The following EYS variants were observed in gnomAD, a reference collection of about 807,000 sequenced individuals.
EYS encodes protein eyes shut homolog.
A neutral mutation model predicts 282.1 loss-of-function variants in EYS; 250 were observed. The ratio of observed to expected loss-of-function variants is 0.89; its 90% confidence interval spans 0.80 to 0.98. EYS has a LOEUF of 0.98. Among genes scored for constraint, EYS ranks in the 50% least tolerant of loss-of-function variants. The pLI is 0.00. For missense variants in EYS, 4,016 were observed against 3,709.0 expected (o/e 1.08, Z -2.15); for synonymous variants, 1,355 against 1,282.9 (o/e 1.06, Z -1.20).
chr6:63,817,108 G>T (rs955954162), intron 36 of EYS, among the ~76,000 whole-genome samples: 4 of 152,198 alleles, frequency 2.6e-5, no homozygotes, highest in Non-Finnish European at 5.9e-5. Context: ...AAACCAGAGA[G>T]CATATGACAG....
At chr6:64,186,278 CA>C (rs1764944221) in intron 31 of EYS, among the ~76,000 whole-genome samples, 1 of 151,110 alleles carries the variant, frequency 6.6e-6, no homozygotes, top group Non-Finnish European at 1.5e-5. Flanking sequence ...CACACACACA[CA>C]CACACGGTTC....
intron 22 of EYS, among the ~76,000 whole-genome samples, chr6:64,680,735 C>G (rs566969273): frequency 3.5e-4 from 54 of 152,248 alleles, no homozygotes; most frequent in African/African-American, 1.3e-3. Flanking sequence ...TACCTTAGCC[C>G]TAGTTTGCTT....
At chr6:65,431,035 T>A (rs1767866598) in intron 5 of EYS, among the ~76,000 whole-genome samples, 2 of 152,162 alleles carry the variant, frequency 1.3e-5, no homozygotes, top group Non-Finnish European at 2.9e-5. Context: ...TCTTACACTT[T>A]AGATACGAGT....
intron 29 of EYS, among the ~76,000 whole-genome samples, chr6:64,374,191 G>A (rs562962128): frequency 1.1e-3 from 165 of 146,658 alleles, no homozygotes; most frequent in African/African-American, 4.0e-3. Context: ...GGGGGTATGG[G>A]AGGGTGGAGG....
At chr6:64,760,601 G>A (rs1297860678) in intron 22 of EYS, among the ~76,000 whole-genome samples, 1 of 152,172 alleles carries the variant, frequency 6.6e-6, no homozygotes, top group African/African-American at 2.4e-5. Flanking sequence ...GGCAAAGAAA[G>A]CTGATAACTG....
intron 42 of EYS, among the ~76,000 whole-genome samples, chr6:63,724,779 T>C (rs1768548466): frequency 6.6e-6 from 1 of 152,168 alleles, no homozygotes; most frequent in Admixed American, 6.5e-5. Context: ...CATGTTAATT[T>C]AGAATTTGGT....
At chr6:65,255,202 G>A (rs1288003478) in intron 12 of EYS, among the ~76,000 whole-genome samples, 1 of 151,752 alleles carries the variant, frequency 6.6e-6, no homozygotes, top group Non-Finnish European at 1.5e-5. Context: ...GAATAGAATA[G>A]AGAACACAGA....
chr6:64,540,210 C>A (rs1411942586), intron 26 of EYS, among the ~76,000 whole-genome samples: 2 of 152,162 alleles, frequency 1.3e-5, no homozygotes, highest in Non-Finnish European at 1.5e-5. Context: ...ACCTCAATCC[C>A]AGATTCCAGC....
At chr6:65,687,469 C>A (rs1414169082) in intron 1 of EYS, among the ~76,000 whole-genome samples, 1 of 151,968 alleles carries the variant, frequency 6.6e-6, no homozygotes, top group Non-Finnish European at 1.5e-5. Flanking sequence ...CCTCACTTTT[C>A]CAGCAGTAAA....
intron 29 of EYS, among the ~76,000 whole-genome samples, chr6:64,332,045 T>C (rs1316285574): frequency 1.3e-5 from 2 of 152,168 alleles, no homozygotes; most frequent in African/African-American, 2.4e-5. Context: ...CTAACGCAGA[T>C]GTTAAAAATC....
At chr6:64,759,907 T>G (rs1484771449) in intron 22 of EYS, among the ~76,000 whole-genome samples, 1 of 152,148 alleles carries the variant, frequency 6.6e-6, no homozygotes, top group Admixed American at 6.5e-5. Context: ...GCTATAAAAA[T>G]GGTCAAAAAT....
intron 1 of EYS, among the ~76,000 whole-genome samples, chr6:65,673,776 T>C (rs1455800638): frequency 6.6e-6 from 1 of 151,994 alleles, no homozygotes; most frequent in Non-Finnish European, 1.5e-5. Flanking sequence ...AACTGAGGTA[T>C]TATGTCTTAC....
chr6:64,949,585 T>C (rs1164777573), intron 14 of EYS, among the ~76,000 whole-genome samples: 1 of 151,920 alleles, frequency 6.6e-6, no homozygotes, highest in Non-Finnish European at 1.5e-5. Flanking sequence ...ACATGTTTGA[T>C]TAAATAAAAG....
At chr6:63,912,738 G>C (rs1334479491) in intron 35 of EYS, among the ~76,000 whole-genome samples, 1 of 152,080 alleles carries the variant, frequency 6.6e-6, no homozygotes, top group Admixed American at 6.5e-5. Context: ...TAGTGAGAGA[G>C]TTCTCATGAG....
At chr6:65,686,256 C>T (rs1769009963) in intron 1 of EYS, among the ~76,000 whole-genome samples, 1 of 151,968 alleles carries the variant, frequency 6.6e-6, no homozygotes, top group South Asian at 2.1e-4. Flanking sequence ...CCGGCTCTTC[C>T]CCAGAAGACA....
At chr6:64,007,288 T>A (rs1768394020) in intron 33 of EYS, among the ~76,000 whole-genome samples, 1 of 152,056 alleles carries the variant, frequency 6.6e-6, no homozygotes, top group South Asian at 2.1e-4. Context: ...TGCATAGTGG[T>A]GTTTGAAGTA....
intron 11 of EYS, chr6:65,329,396 A>G: frequency 1.1e-6 from 1 of 898,902 alleles, no homozygotes; most frequent in Non-Finnish European, 1.3e-6. Context: ...ATTTTACTAT[A>G]AGGATTTAAG....
At chr6:64,342,493 T>A (rs927185168) in intron 29 of EYS, among the ~76,000 whole-genome samples, 1 of 151,932 alleles carries the variant, frequency 6.6e-6, no homozygotes, top group Non-Finnish European at 1.5e-5. Context: ...AGAAATAAAA[T>A]ACTTTACAAA....
intron 12 of EYS, among the ~76,000 whole-genome samples, chr6:65,124,065 T>C (rs1389960947): frequency 1.3e-5 from 2 of 152,096 alleles, no homozygotes; most frequent in Non-Finnish European, 2.9e-5. Flanking sequence ...TCCCAGCTAC[T>C]TGGGAAGCTG....
Sources: allele counts gnomAD v4.1 joint callset (sites outside exome capture counted in the v4.1 genomes callset), GRCh38; gene constraint gnomAD v4.1.1; transcripts MANE v1.5; gene names NCBI Gene and HGNC (gene_info 2026-07-23, HGNC 2026-07-21).